Variants in NACC2 observed in about 807,000 individuals in gnomAD.
NACC2 encodes the protein nucleus accumbens-associated protein 2.
NACC2 carries 8 observed loss-of-function variants against 25.1 expected under a neutral mutation model. The ratio of observed to expected loss-of-function variants is 0.32; its 90% CI spans 0.19 to 0.57. NACC2 has a LOEUF of 0.57. NACC2 is among the 20% of genes least tolerant of loss of function. NACC2 has a pLI of 0.89. For missense variants in NACC2, 644 were observed against 650.2 expected, an observed-to-expected ratio of 0.99 and a Z score of 0.10; for synonymous variants, 435 against 294.7, an observed-to-expected ratio of 1.48 and a Z score of -4.88.
chr9:136,085,003 G>A (rs560782193), intron 1 of NACC2, among the ~76,000 whole-genome samples: 5 of 152,214 alleles, frequency 3.3e-5, no homozygotes, highest in Non-Finnish European at 5.9e-5. Context: ...AGATGGTGCT[G>A]AGGGCAGCGC....
intron 1 of NACC2, among the ~76,000 whole-genome samples, chr9:136,087,565 G>A (rs1385477090): frequency 1.3e-5 from 2 of 152,206 alleles, no homozygotes. Context: ...TTCTGGGGCC[G>A]CCTGGGAGCC....
chr9:136,029,168 C>T (rs751503519), intron 2 of NACC2, among the ~76,000 whole-genome samples: 1 of 152,226 alleles, frequency 6.6e-6, no homozygotes, highest in African/African-American at 2.4e-5. Context: ...TCCGGGCCCA[C>T]TCATGGCTGC....
At chr9:136,043,985 C>T (rs10481730) in intron 2 of NACC2, among the ~76,000 whole-genome samples, 7,055 of 152,108 alleles carry the variant, frequency 0.046, 239 homozygotes, top group Middle Eastern at 0.15. Context: ...TCACCACACC[C>T]GGCTAATTTT....
In NACC2 at chr9:136,022,630, G is replaced by T. The variant is rs1840308496; in HGVS notation, c.887-6201C>A. Among the ~76,000 whole-genome samples, 1 of 152,140 alleles carries T rather than the reference G, an allele frequency of 6.6e-6. No individual in the cohort carries two copies. Among genetic ancestry groups the T allele is most frequent in the South Asian group, 2.1e-4 (1 of 4,818 alleles). ...CTGGGTCCAGTGCTTCTGGCAGTGA[G>T]GGGGGCTCACCCTGCTGGTCAGTGT... On this transcript the variant is annotated intron_variant, in intron 2 of 5. Transcript: ENST00000277554. The surrounding 1 kb of genome is among the most constrained non-coding windows in gnomAD (Gnocchi z 4.4).
intron 2 of NACC2, among the ~76,000 whole-genome samples, chr9:136,045,135 C>G (rs958295848): frequency 5.9e-5 from 9 of 152,226 alleles, no homozygotes; most frequent in Non-Finnish European, 1.0e-4. Context: ...CCTGTTTTGC[C>G]TGAGTTCAGA....
intron 2 of NACC2, among the ~76,000 whole-genome samples, chr9:136,034,856 G>T (rs564815463): frequency 1.3e-5 from 2 of 152,278 alleles, no homozygotes; most frequent in South Asian, 4.1e-4. Context: ...CATTTTGGAA[G>T]GCACTGGCGG....
At position 136,038,272 on chromosome 9, in the gene NACC2, A is replaced by T. The variant is rs1022154212; in HGVS notation, c.886+11364T>A. ...AACACCAGGCTGGGCGTGGTGGCTC[A>T]TGCCTATAATCCCAGCACCTTGGGA... On this transcript the variant is annotated intron_variant, in intron 2 of 5. Coordinates refer to ENST00000277554, the MANE Select transcript of NACC2 (RefSeq NM_144653.5). Among the ~76,000 whole-genome samples the T allele has an allele frequency of 2.6e-5, 4 of 152,322 alleles. No homozygotes were observed. In the East Asian group the frequency reaches 7.7e-4, roughly 29 times the overall value.
chr9:136,046,491 C>T (rs1425462996), intron 2 of NACC2, among the ~76,000 whole-genome samples: 3 of 152,210 alleles, frequency 2.0e-5, no homozygotes, highest in Admixed American at 6.5e-5. Context: ...CAGGAGGGCG[C>T]CCTGAAGTGA....
chr9:136,047,370 C>T (rs1183467181), intron 2 of NACC2, among the ~76,000 whole-genome samples: 2 of 152,218 alleles, frequency 1.3e-5, no homozygotes, highest in Admixed American at 1.3e-4. Context: ...CAAGAAATCA[C>T]ACACCCCCTT....
intron 2 of NACC2, among the ~76,000 whole-genome samples, chr9:136,041,127 A>G (rs1840624977): frequency 6.6e-6 from 1 of 152,158 alleles, no homozygotes; most frequent in African/African-American, 2.4e-5. Flanking sequence ...GAAGGAAGCA[A>G]GCAAGCATTC....
chr9:136,058,361 C>T (rs1840959602), intron 1 of NACC2, among the ~76,000 whole-genome samples: 3 of 140,784 alleles, frequency 2.1e-5, no homozygotes, highest in African/African-American at 7.7e-5. Context: ...CCAGGCCCTT[C>T]CCAGCCAGGG....
At chr9:136,042,691 CAGACACACACACAGACACAG>C (rs1344978587) in intron 2 of NACC2, among the ~76,000 whole-genome samples, 26 of 149,206 alleles carry the variant, frequency 1.7e-4, no homozygotes, top group East Asian at 3.9e-4. Flanking sequence ...CATACACACA[CAGACACACACACAGACACAG>C]AGACACACAC....
intron 2 of NACC2, among the ~76,000 whole-genome samples, chr9:136,025,551 A>T (rs1336626897): frequency 1.3e-5 from 2 of 152,176 alleles, no homozygotes; most frequent in Non-Finnish European, 2.9e-5. Context: ...TACAAGAAAT[A>T]CAGGCAACAA....
intron 1 of NACC2, among the ~76,000 whole-genome samples, chr9:136,079,288 C>T (rs1830296937): frequency 6.6e-6 from 1 of 152,172 alleles, no homozygotes; most frequent in East Asian, 1.9e-4. Context: ...GAGTCCCACA[C>T]CCAGGAAGGG....
chr9:136,021,466 G>A (rs909718850), intron 2 of NACC2, among the ~76,000 whole-genome samples: 4 of 152,234 alleles, frequency 2.6e-5, no homozygotes, highest in Non-Finnish European at 4.4e-5. Flanking sequence ...CCCAAGTGCT[G>A]GCGAGGACAC....
intron 1 of NACC2, among the ~76,000 whole-genome samples, chr9:136,080,928 CG>C (rs780458970): frequency 2.0e-5 from 3 of 152,110 alleles, no homozygotes; most frequent in African/African-American, 7.2e-5. Flanking sequence ...TCGAGTAGGT[CG>C]GGGGGACACA....
chr9:136,068,982 A>G (rs1438484809), intron 1 of NACC2, among the ~76,000 whole-genome samples: 2 of 151,042 alleles, frequency 1.3e-5, no homozygotes, highest in Non-Finnish European at 2.9e-5. Flanking sequence ...TAATGGCACA[A>G]TCTCGGCTCT....
At chr9:136,015,445 C>T (rs993705275) in intron 3 of NACC2, among the ~76,000 whole-genome samples, 1 of 152,248 alleles carries the variant, frequency 6.6e-6, no homozygotes, top group Non-Finnish European at 1.5e-5. Flanking sequence ...GCCACTCTCC[C>T]ATGAGGACCG....
chr9:136,057,463 A>T (rs1188979211), intron 1 of NACC2, among the ~76,000 whole-genome samples: 1 of 152,130 alleles, frequency 6.6e-6, no homozygotes, highest in African/African-American at 2.4e-5. Context: ...GGGTCCACAC[A>T]CTGTGGGATG....
Sources: allele counts gnomAD v4.1 joint callset (sites outside exome capture counted in the v4.1 genomes callset), GRCh38; gene constraint gnomAD v4.1.1; non-coding constraint Gnocchi (gnomAD v3.1); transcripts MANE v1.5; gene names NCBI Gene and HGNC (gene_info 2026-07-23, HGNC 2026-07-21).